The following FLNB variants were observed in gnomAD, a reference collection of about 807,000 sequenced individuals.
FLNB encodes the protein filamin B, also known as filamin-B.
A neutral mutation model predicts 250.6 loss-of-function variants in FLNB; 111 were observed. That is an observed-to-expected ratio of 0.44 (90% CI 0.38 to 0.52). The LOEUF is 0.52. FLNB is among the 20% of genes least tolerant of loss of function. The probability of loss-of-function intolerance (pLI) is 0.00; values close to 1 mark genes in which losing one functional copy is unlikely to be tolerated. For synonymous variants in FLNB, 1,302 were observed against 1,372.1 expected, an observed-to-expected ratio of 0.95 and a Z score of 1.13; for missense variants, 2,869 against 3,447.8, an observed-to-expected ratio of 0.83 and a Z score of 4.20.
At chr3:58,097,398 A>G (rs2097240822) in intron 6 of FLNB, among the ~76,000 whole-genome samples, 2 of 152,182 alleles carry the variant, frequency 1.3e-5, no homozygotes, top group Non-Finnish European at 2.9e-5. Flanking sequence ...TTTGTCCCAA[A>G]TCCATGTATC....
At chr3:58,107,027 G>T (rs1265501735) in intron 12 of FLNB, among the ~76,000 whole-genome samples, 154 bp downstream of exon 12, 2 of 152,086 alleles carry the variant, frequency 1.3e-5, no homozygotes, top group African/African-American at 4.8e-5. Context: ...TTGTTTGTTT[G>T]TTTGTTTGTT....
chr3:58,047,843 A>C (rs1456548162), intron 1 of FLNB, among the ~76,000 whole-genome samples: 5 of 152,046 alleles, frequency 3.3e-5, no homozygotes, highest in Admixed American at 3.3e-4. Flanking sequence ...GGATTACAGG[A>C]GTGAGCCACC....
At position 58,143,575 on chromosome 3, in the gene FLNB, A is replaced by G. The variant is rs745869601; in HGVS notation, c.5387A>G (p.His1796Arg). ...VRYAPTEVGL[H>R]EMHIKYMGSH... ...TATGCCCCCACTGAGGTCGGGCTCC[A>G]TGAGATGCACATCAAATACATGGGC... is the stretch of plus-strand genomic sequence containing the variant. Residue 1796 changes from histidine (H) to arginine (R), a missense_variant, in exon 32 of 46, where the codon CAT becomes CGT. Transcript: ENST00000295956. 6.2e-7 allele frequency: 1 copy of G among 1,614,064 alleles called. No individual in the cohort carries two copies. The highest frequency in any genetic ancestry group is 8.5e-7 in the Non-Finnish European group (1 of 1,180,036).
At chr3:58,074,627 T>A (rs931934239) in intron 1 of FLNB, among the ~76,000 whole-genome samples, 2 of 152,196 alleles carry the variant, frequency 1.3e-5, no homozygotes, top group African/African-American at 2.4e-5. Context: ...AATTTGTATC[T>A]GTTTCCTATA....
intron 1 of FLNB, among the ~76,000 whole-genome samples, chr3:58,024,332 A>C (rs921257650): frequency 2.0e-5 from 3 of 152,220 alleles, no homozygotes; most frequent in Non-Finnish European, 4.4e-5. Context: ...TATCGAAGAT[A>C]AAATGATATA....
intron 1 of FLNB, among the ~76,000 whole-genome samples, chr3:58,061,961 G>A (rs2106885964): frequency 6.6e-6 from 1 of 151,674 alleles, no homozygotes; most frequent in African/African-American, 2.4e-5. Flanking sequence ...CATGATGGGG[G>A]GCGCCTGTAA....
chr3:58,019,772 G>A (rs1027788207), intron 1 of FLNB, among the ~76,000 whole-genome samples: 2 of 152,136 alleles, frequency 1.3e-5, no homozygotes, highest in African/African-American at 4.8e-5. Context: ...AAAACTTTTT[G>A]GGGGCTACTT....
chr3:58,063,530 A>G (rs2097181377), intron 1 of FLNB, among the ~76,000 whole-genome samples: 1 of 152,216 alleles, frequency 6.6e-6, no homozygotes, highest in African/African-American at 2.4e-5. Flanking sequence ...TAGGTAAAGC[A>G]GGCAGAGTTC....
chr3:58,167,117 G>A (rs569521514), intron 43 of FLNB, among the ~76,000 whole-genome samples: 65 of 152,346 alleles, frequency 4.3e-4, no homozygotes, highest in African/African-American at 1.5e-3. Context: ...AACAGAGCGA[G>A]ACTCTATCTC....
At position 58,142,330 on chromosome 3, in the gene FLNB, A is replaced by T. The variant is rs1424178164; in HGVS notation, c.5182-320A>T. On this transcript the variant is annotated intron_variant, in intron 30 of 45. Transcript: ENST00000295956. The surrounding 1 kb of genome is among the most constrained non-coding windows in gnomAD (Gnocchi z 4.3). ...CTTCTTTTCCAGGCCACAAGCAACTAAACCTTTCCAGATGGAGCCTCTTGG... is the reference window on the plus strand; with the variant it reads ...CTTCTTTTCCAGGCCACAAGCAACTTAACCTTTCCAGATGGAGCCTCTTGG... Among the ~76,000 whole-genome samples the T allele has an allele frequency of 6.6e-6, 1 of 152,214 alleles. No individual in the cohort carries two copies. The highest frequency in any genetic ancestry group is 1.5e-5 in the Non-Finnish European group (1 of 68,038).
At chr3:58,157,425 G>A (rs1224302922) in intron 41 of FLNB, among the ~76,000 whole-genome samples, 1 of 152,150 alleles carries the variant, frequency 6.6e-6, no homozygotes, top group African/African-American at 2.4e-5. Context: ...TTACTCTGAG[G>A]GGAACTGGGA....
chr3:58,150,241 A>T lies in FLNB; in HGVS notation c.6367+14A>T. ...TGAAAATCCCAGGTGGGCGTCGGGG[A>T]CTAGTAGGGTGGGGAAGCCTTGGCT... is the stretch of plus-strand genomic sequence containing the variant. On this transcript the variant is annotated intron_variant, in intron 38 of 45. Coordinates refer to ENST00000295956, the MANE Select transcript of FLNB (RefSeq NM_001457.4). The T allele has an allele frequency of 6.2e-7, 1 of 1,614,042 alleles. No individual in the cohort carries two copies.
At chr3:58,021,442 G>A (rs2097113953) in intron 1 of FLNB, among the ~76,000 whole-genome samples, 2 of 152,138 alleles carry the variant, frequency 1.3e-5, no homozygotes, top group African/African-American at 2.4e-5. Context: ...GGGGGCCCTC[G>A]GTGGAGCTTC....
intron 1 of FLNB, among the ~76,000 whole-genome samples, chr3:58,042,606 C>T (rs1462968048): frequency 6.6e-6 from 1 of 151,970 alleles, no homozygotes; most frequent in Non-Finnish European, 1.5e-5. Flanking sequence ...TCTCAACCTC[C>T]CAGGCTTAAG....
chr3:58,166,105 T>C (rs1486137750), intron 43 of FLNB: 5 of 152,218 alleles, frequency 3.3e-5, no homozygotes, highest in African/African-American at 9.6e-5. Flanking sequence ...ACTGTGCCTC[T>C]GCTTCCTTTC....
rs905486585 is a variant in FLNB at position 58,008,436 on chromosome 3, C to G, written c.-129C>G. On this transcript the variant is annotated 5_prime_UTR_variant, in exon 1 of 46. Coordinates refer to ENST00000295956, the MANE Select transcript of FLNB (RefSeq NM_001457.4). ...CGGGCGGCCGCAGAGCAGCACCGGC[C>G]GTGGCTCCGGTAGCAGCAAGTTCGA... The G allele has an allele frequency of 1.1e-5, 12 of 1,129,056 alleles. No individual in the cohort carries two copies. Among genetic ancestry groups the G allele is most frequent in the South Asian group, 1.4e-5 (1 of 72,062 alleles). 69.9% of individuals were successfully genotyped at this position (1,129,056 alleles called of 1,614,324 possible). A position where few individuals can be genotyped will look rare whatever the true frequency, so the allele number is the denominator to read the frequency against.
At chr3:58,066,355 G>T (rs1323529213) in intron 1 of FLNB, among the ~76,000 whole-genome samples, 2 of 151,876 alleles carry the variant, frequency 1.3e-5, no homozygotes, top group Non-Finnish European at 2.9e-5. Flanking sequence ...GAGTAGCTGG[G>T]ATTACAGGCG....
chr3:58,157,328 A>T (rs2097354883), intron 41 of FLNB, among the ~76,000 whole-genome samples: 1 of 152,088 alleles, frequency 6.6e-6, no homozygotes, highest in South Asian at 2.1e-4. Flanking sequence ...AAAATATTGG[A>T]TTCATTAAAA....
intron 9 of FLNB, 147 bp from the exon 10 acceptor site, chr3:58,103,812 A>T (rs537298262): frequency 2.4e-6 from 2 of 843,956 alleles, no homozygotes; most frequent in Admixed American, 3.5e-5. Flanking sequence ...CTTTGAGGGG[A>T]GAGGTCCCAT....
Sources: allele counts gnomAD v4.1 joint callset (sites outside exome capture counted in the v4.1 genomes callset), GRCh38; gene constraint gnomAD v4.1.1; non-coding constraint Gnocchi (gnomAD v3.1); transcripts MANE v1.5; gene names NCBI Gene and HGNC (gene_info 2026-07-23, HGNC 2026-07-21).